DACH2: variants seen among roughly 807,000 people sequenced by gnomAD.
DACH2 encodes the protein dachshund family transcription factor 2, also known as dachshund homolog 2.
In DACH2, 17 loss-of-function variants were observed where a neutral mutation model predicts 35.8. That is an observed-to-expected ratio of 0.48 (90% CI 0.33 to 0.71). DACH2 has a LOEUF of 0.71. Among genes scored for constraint, DACH2 ranks in the 30% least tolerant of loss-of-function variants. The probability of loss-of-function intolerance (pLI) is 0.02; values close to 1 mark genes in which losing one functional copy is unlikely to be tolerated. For missense variants in DACH2, 469 were observed against 472.7 expected, an observed-to-expected ratio of 0.99 and a Z score of 0.07; for synonymous variants, 195 against 177.3, an observed-to-expected ratio of 1.10 and a Z score of -0.79.
At chrX:86,600,392 A>G (rs1351648102) in intron 3 of DACH2, among the ~76,000 whole-genome samples, 1 of 111,840 alleles carries the variant, frequency 8.9e-6, no homozygotes, top group Admixed American at 9.5e-5. Flanking sequence ...TGAGTATTAT[A>G]CCAGTATTAT....
At chrX:86,526,240 T>C (rs2038630438) in intron 3 of DACH2, among the ~76,000 whole-genome samples, 1 of 111,862 alleles carries the variant, frequency 8.9e-6, no homozygotes, top group South Asian at 3.7e-4. Flanking sequence ...AGAGTGTCTA[T>C]CATTTCCTAT....
chrX:86,319,458 G>A (rs751939573), intron 1 of DACH2, among the ~76,000 whole-genome samples: 30 of 111,424 alleles, frequency 2.7e-4, no homozygotes, highest in Admixed American at 2.7e-3. Flanking sequence ...AACCTGATAC[G>A]TTGTTTTAAT....
chrX:86,701,576 T>C (rs1004580606), intron 5 of DACH2, among the ~76,000 whole-genome samples: 7 of 111,761 alleles, frequency 6.3e-5, no homozygotes, highest in African/African-American at 2.0e-4. Context: ...AAACTATCCC[T>C]AATTGCAGAT....
At chrX:86,334,992 CCAA>C (rs781630842) in intron 1 of DACH2, among the ~76,000 whole-genome samples, 12 of 111,983 alleles carry the variant, frequency 1.1e-4, no homozygotes, top group Admixed American at 1.9e-4. Flanking sequence ...GCCAGTTTTC[CCAA>C]CAACATTTAT....
intron 3 of DACH2, among the ~76,000 whole-genome samples, chrX:86,516,857 T>G (rs1490878716): frequency 9.0e-6 from 1 of 111,395 alleles, no homozygotes; most frequent in Admixed American, 9.6e-5. Flanking sequence ...ATAATAGTCC[T>G]CAGCTCCATC....
chrX:86,780,216 T>G (rs2042077043), intron 7 of DACH2, among the ~76,000 whole-genome samples: 1 of 105,307 alleles, frequency 9.5e-6, no homozygotes, highest in African/African-American at 3.4e-5. Flanking sequence ...CTACAAATAT[T>G]AAAGAAACAT....
chrX:86,568,527 C>T (rs2039321359), intron 3 of DACH2, among the ~76,000 whole-genome samples: 1 of 111,446 alleles, frequency 9.0e-6, no homozygotes, highest in Non-Finnish European at 1.9e-5. Context: ...TGTTAATTAA[C>T]ATATGAGTCA....
chrX:86,667,614 A>AAGAAAGAAAGAAAGGC (rs1556364404), intron 4 of DACH2, among the ~76,000 whole-genome samples: 10 of 96,974 alleles, frequency 1.0e-4, no homozygotes, highest in East Asian at 7.5e-4. Flanking sequence ...GAAAGAAAGA[A>AAGAAAGAAAGAAAGGC]AGGCAGGCAG....
At chrX:86,319,238 C>T (rs1365006704) in intron 1 of DACH2, among the ~76,000 whole-genome samples, 1 of 112,352 alleles carries the variant, frequency 8.9e-6, no homozygotes, top group Non-Finnish European at 1.9e-5. Context: ...TTAATTTTTA[C>T]AATCTTTTCA....
In DACH2 at chrX:86,297,308, C is replaced by T. The variant is rs748423270; in HGVS notation, c.489-79516C>T. On this transcript the variant is annotated intron_variant, in intron 1 of 11. Coordinates refer to ENST00000373125, the MANE Select transcript of DACH2 (RefSeq NM_053281.3). ...TAGCTCTCACTCTAATCTGATACAA[C>T]CTCCATGACTACACAGTGATAGCGA... Among the ~76,000 whole-genome samples the T allele has an allele frequency of 2.7e-5, 3 of 110,856 alleles. No homozygotes were observed. The South Asian group carries it at 1.1e-3, about 42-fold the overall frequency.
intron 2 of DACH2, among the ~76,000 whole-genome samples, chrX:86,419,652 G>A (rs2036768418): frequency 8.9e-6 from 1 of 111,874 alleles, no homozygotes; most frequent in Non-Finnish European, 1.9e-5. Context: ...CATATCAAAA[G>A]GCTACTTTCT....
chrX:86,334,427 C>A (rs2035266894), intron 1 of DACH2, among the ~76,000 whole-genome samples: 1 of 111,864 alleles, frequency 8.9e-6, no homozygotes, highest in Non-Finnish European at 1.9e-5. Flanking sequence ...TCTGTTGTTT[C>A]CTTACTTTTT....
At chrX:86,177,260 T>C (rs2031333000) in intron 1 of DACH2, among the ~76,000 whole-genome samples, 1 of 112,102 alleles carries the variant, frequency 8.9e-6, no homozygotes, top group African/African-American at 3.2e-5. Context: ...AACTTAGAAA[T>C]AGTCATGATC....
Position 86,518,295 on chromosome X carries a change from G to A in DACH2, c.640+3904G>A, listed in dbSNP as rs2038501398. ...TGAATACAATGCTGTTTTGGTCACT[G>A]TAGCCTTGTAGTATAGTTTGAAGTT... On this transcript the variant is annotated intron_variant, in intron 3 of 11. Coordinates refer to ENST00000373125, the MANE Select transcript of DACH2 (RefSeq NM_053281.3). Among the ~76,000 whole-genome samples the A allele has an allele frequency of 2.7e-5, 3 of 111,930 alleles. No individual in the cohort carries two copies. In the South Asian group the frequency reaches 1.1e-3, roughly 42 times the overall value.
intron 6 of DACH2, among the ~76,000 whole-genome samples, chrX:86,726,117 C>T (rs35889691): frequency 0.27 from 30,116 of 110,804 alleles, 3,392 homozygotes; most frequent in Middle Eastern, 0.42. Context: ...TGCTGTATAC[C>T]TGCCATCAGG....
chrX:86,455,737 T>C (rs2037463481), intron 2 of DACH2, among the ~76,000 whole-genome samples: 1 of 112,430 alleles, frequency 8.9e-6, no homozygotes. Context: ...CTGCTGCCAC[T>C]GGGTGGCTGG....
chrX:86,514,979 T>C (rs370014362), intron 3 of DACH2, among the ~76,000 whole-genome samples: 119 of 111,702 alleles, frequency 1.1e-3, no homozygotes, highest in African/African-American at 3.4e-3. Context: ...TGTTGAGTCC[T>C]TAAAAAAGTA....
intron 3 of DACH2, among the ~76,000 whole-genome samples, chrX:86,544,948 G>A (rs2038937451): frequency 8.9e-6 from 1 of 112,103 alleles, no homozygotes; most frequent in East Asian, 2.8e-4. Context: ...GATTGCTGAT[G>A]TGTGCCCAGA....
intron 3 of DACH2, among the ~76,000 whole-genome samples, chrX:86,625,475 C>T (rs1475528818): frequency 9.0e-6 from 1 of 110,723 alleles, no homozygotes; most frequent in African/African-American, 3.3e-5. Flanking sequence ...TTTGAGTGTC[C>T]TAACTGATAG....
Sources: allele counts gnomAD v4.1 joint callset (sites outside exome capture counted in the v4.1 genomes callset), GRCh38; gene constraint gnomAD v4.1.1; transcripts MANE v1.5; gene names NCBI Gene and HGNC (gene_info 2026-07-23, HGNC 2026-07-21).